EFCAB13: variants seen among roughly 807,000 people sequenced by gnomAD.
The protein encoded by EFCAB13 is EF-hand calcium binding domain 13, also known as EF-hand calcium-binding domain-containing protein 13.
EFCAB13 carries 91 observed loss-of-function variants against 110.2 expected under a neutral mutation model. The observed-to-expected ratio is 0.83, with a 90% CI of 0.70 to 0.98. The LOEUF is 0.98. EFCAB13 is among the 50% of genes least tolerant of loss of function. EFCAB13 has a pLI of 0.00. For synonymous variants in EFCAB13, 323 were observed against 369.9 expected (o/e 0.87, Z 1.45); for missense variants, 968 against 1,119.4 (o/e 0.86, Z 1.93).
chr17:47,352,476 G>T (rs930273377), intron 9 of EFCAB13, among the ~76,000 whole-genome samples: 2 of 152,074 alleles, frequency 1.3e-5, no homozygotes, highest in Non-Finnish European at 2.9e-5. Context: ...GCAGTACCAT[G>T]CTGTTTTGGT....
At chr17:47,438,094 G>T (rs1202253317) in intron 24 of EFCAB13, among the ~76,000 whole-genome samples, 1 of 152,132 alleles carries the variant, frequency 6.6e-6, no homozygotes, top group Non-Finnish European at 1.5e-5. Flanking sequence ...TGTTTGAAGA[G>T]GCTGAAGATA....
chr17:47,423,949 C>G (rs1285446792), intron 23 of EFCAB13, among the ~76,000 whole-genome samples: 1 of 152,110 alleles, frequency 6.6e-6, no homozygotes, highest in Non-Finnish European at 1.5e-5. Flanking sequence ...CGCTCAGCCC[C>G]TTCTCGGCCT....
At chr17:47,361,698 T>A (rs951706234) in intron 10 of EFCAB13, among the ~76,000 whole-genome samples, 177 bp downstream of exon 10, 8 of 152,180 alleles carry the variant, frequency 5.3e-5, no homozygotes, top group Non-Finnish European at 1.2e-4. Flanking sequence ...CTAGAAAAAT[T>A]AAATGAGAGG....
intron 24 of EFCAB13, chr17:47,430,798 T>C (rs1209177919): frequency 1.3e-5 from 2 of 152,130 alleles, no homozygotes; most frequent in Non-Finnish European, 2.9e-5. Context: ...TCCACAGTTT[T>C]CAATTTTATT....
chr17:47,423,174 G>C (rs1239049593), intron 23 of EFCAB13, among the ~76,000 whole-genome samples: 1 of 152,010 alleles, frequency 6.6e-6, no homozygotes, highest in Non-Finnish European at 1.5e-5. Flanking sequence ...GAATGTGAAT[G>C]GGTTTGAGAA....
chr17:47,374,941 G>A lies in EFCAB13; in HGVS notation c.1347G>A (p.Thr449=), dbSNP rs370066816. 22 of 1,579,318 alleles carry A rather than the reference G, an allele frequency of 1.4e-5. No individual in the cohort carries two copies. Among genetic ancestry groups the A allele is most frequent in the Middle Eastern group, 1.7e-4 (1 of 5,888 alleles). Residue 449 remains threonine (T), a synonymous_variant, in exon 12 of 25, where the codon ACG becomes ACA. Transcript: ENST00000331493. Reference sequence around the variant, plus strand: ...GTCTCCAAAAACAGGTTTCGTCTACGGAAAAAACTGCAATTAGTACTCTGG... The same window carrying A: ...GTCTCCAAAAACAGGTTTCGTCTACAGAAAAAACTGCAATTAGTACTCTGG... ...HSSLQKQVSS[T]EKTAISTLEN...
At chr17:47,397,890 C>A (rs929821382) in intron 17 of EFCAB13, among the ~76,000 whole-genome samples, 1 of 151,910 alleles carries the variant, frequency 6.6e-6, no homozygotes, top group Non-Finnish European at 1.5e-5. Context: ...AGCGTCTCCA[C>A]CCAGCAGCCA....
At chr17:47,374,340 T>C in intron 11 of EFCAB13, 132 bp from the exon 12 acceptor site, 1 of 710,860 alleles carries the variant, frequency 1.4e-6, no homozygotes, top group Non-Finnish European at 2.1e-6. Context: ...TCTTTAATTT[T>C]TTTGGTTTGT....
intron 24 of EFCAB13, chr17:47,430,780 G>A (rs1003368555): frequency 6.6e-6 from 1 of 151,594 alleles, no homozygotes; most frequent in Non-Finnish European, 1.5e-5. Flanking sequence ...TTTTACTCTC[G>A]ATTGAACTCC....
At chr17:47,339,320 C>T (rs1446514878) in intron 5 of EFCAB13, among the ~76,000 whole-genome samples, 1 of 151,910 alleles carries the variant, frequency 6.6e-6, no homozygotes, top group African/African-American at 2.4e-5. Context: ...CACTAGGGAC[C>T]AGTTTAATGG....
chr17:47,394,034 A>T lies in EFCAB13; in HGVS notation c.1736A>T (p.Lys579Ile). The change falls in exon 16 of 25, where the codon AAA becomes ATA. Residue 579 changes from lysine to isoleucine, a missense_variant. By Grantham distance (102) the Lys-to-Ile change is moderately radical. Coordinates refer to ENST00000331493, the MANE Select transcript of EFCAB13 (RefSeq NM_152347.5). ...TTTCTTTTTCCTGTAGAAACAAAAA[A>T]AGTGAATTTTAAAGAATTCATTGAT... ...TELTEAGETK[K>I]VNFKEFIDTM... 2.6e-6 allele frequency: 4 copies of T among 1,548,286 alleles called. No individual in the cohort carries two copies. Among genetic ancestry groups the T allele is most frequent in the Non-Finnish European group, 3.5e-6 (4 of 1,152,452 alleles).
chr17:47,416,548 A>C (rs1904452866), intron 23 of EFCAB13, among the ~76,000 whole-genome samples: 1 of 152,102 alleles, frequency 6.6e-6, no homozygotes, highest in Admixed American at 6.5e-5. Flanking sequence ...TGAGGATAGT[A>C]TGCAATAGTT....
chr17:47,391,749 G>C (rs1369370603), intron 15 of EFCAB13, among the ~76,000 whole-genome samples, 169 bp downstream of exon 15: 1 of 151,896 alleles, frequency 6.6e-6, no homozygotes, highest in Non-Finnish European at 1.5e-5. Flanking sequence ...TCAAAAGCCT[G>C]TTATTTAGGA....
At chr17:47,342,114 A>G (rs1035070901) in intron 6 of EFCAB13, 82 bp downstream of exon 6, 6 of 750,678 alleles carry the variant, frequency 8.0e-6, no homozygotes, top group African/African-American at 3.7e-5. Flanking sequence ...TTTTTAGTCC[A>G]AGTGTTGAAA....
At chr17:47,403,823 A>G (rs2065790798) in intron 18 of EFCAB13, 55 bp from the exon 19 acceptor site, 1 of 1,484,842 alleles carries the variant, frequency 6.7e-7, no homozygotes, top group Non-Finnish European at 9.1e-7. Flanking sequence ...CCACTAACAA[A>G]TGTCTTGAGT....
At chr17:47,352,340 GAA>G (rs1227853478) in intron 9 of EFCAB13, among the ~76,000 whole-genome samples, 2 of 152,024 alleles carry the variant, frequency 1.3e-5, no homozygotes, top group Non-Finnish European at 2.9e-5. Flanking sequence ...ACCATTTATT[GAA>G]AAGAGTGTCC....
At chr17:47,370,743 T>TTG (rs1567790293) in intron 11 of EFCAB13, among the ~76,000 whole-genome samples, 4 of 138,352 alleles carry the variant, frequency 2.9e-5, no homozygotes, top group Admixed American at 1.4e-4. Context: ...TGTTTGTTTT[T>TTG]TTTTTTTTTT....
chr17:47,439,384 C>T (rs1361128027), intron 24 of EFCAB13, among the ~76,000 whole-genome samples: 1 of 151,806 alleles, frequency 6.6e-6, no homozygotes, highest in Non-Finnish European at 1.5e-5. Context: ...ACCATGTTGG[C>T]CTGGCTGGTT....
chr17:47,407,230 G>C (rs998545503), intron 20 of EFCAB13, among the ~76,000 whole-genome samples: 12 of 152,178 alleles, frequency 7.9e-5, no homozygotes, highest in African/African-American at 2.7e-4. Context: ...TAGCAGAATA[G>C]CTCACCTCAA....
Sources: allele counts gnomAD v4.1 joint callset (sites outside exome capture counted in the v4.1 genomes callset), GRCh38; gene constraint gnomAD v4.1.1; transcripts MANE v1.5; gene names NCBI Gene and HGNC (gene_info 2026-07-23, HGNC 2026-07-21).